RPS6KA3: variants seen among roughly 807,000 people sequenced by gnomAD.
RPS6KA3 encodes ribosomal protein S6 kinase A3.
A neutral mutation model predicts 67.2 loss-of-function variants in RPS6KA3; 4 were observed. The ratio of observed to expected loss-of-function variants is 0.06; its 90% CI spans 0.03 to 0.14. The LOEUF is 0.14. Ranked by LOEUF, RPS6KA3 falls within the 10% of genes least tolerant of loss-of-function variation. The pLI, the probability that RPS6KA3 is intolerant of heterozygous loss-of-function variation, is 1.00. For missense variants in RPS6KA3, 204 were observed against 559.0 expected (o/e 0.36, Z 6.40); for synonymous variants, 182 against 183.7 (o/e 0.99, Z 0.07).
intron 2 of RPS6KA3, 30 bp from the exon 3 acceptor site, chrX:20,209,434 A>T: frequency 1.3e-6 from 1 of 776,214 alleles, no homozygotes; most frequent in Non-Finnish European, 2.0e-6. Flanking sequence ...AGGAGCAAAC[A>T]GGGTTAGCCA....
intron 2 of RPS6KA3, chrX:20,218,951 A>G: frequency 1.8e-6 from 1 of 567,460 alleles, no homozygotes; most frequent in South Asian, 3.7e-5. Flanking sequence ...GGCAATTAGA[A>G]AATTTCCTGT....
chrX:20,223,205 A>G (rs2069027001), intron 2 of RPS6KA3, among the ~76,000 whole-genome samples: 1 of 111,658 alleles, frequency 9.0e-6, no homozygotes, highest in South Asian at 3.7e-4. Flanking sequence ...TTGCATTTAT[A>G]TTCATAAATT....
Position 20,153,322 on chromosome X carries a change from G to C in RPS6KA3, c.*2076C>G, listed in dbSNP as rs766052124. The C allele has an allele frequency of 2.7e-5, 3 of 111,647 alleles. No homozygotes were observed. The highest frequency in any genetic ancestry group is 5.7e-5 in the Non-Finnish European group (3 of 53,086). 9.2% of individuals were successfully genotyped at this position (111,647 alleles called of 1,213,427 possible). On this transcript the variant is annotated 3_prime_UTR_variant, in exon 22 of 22. Transcript: ENST00000379565. ...AATACTTTCTCTATCTAGACATTCTGATATCCCTCCTATATATTATTTCAT... is the reference window on the plus strand; with the variant it reads ...AATACTTTCTCTATCTAGACATTCTCATATCCCTCCTATATATTATTTCAT...
Position 20,167,545 on chromosome X carries a change from A to G in RPS6KA3, c.1602+44T>C, listed in dbSNP as rs367591810. On this transcript the variant is annotated intron_variant, in intron 17 of 21. Coordinates refer to ENST00000379565, the MANE Select transcript of RPS6KA3 (RefSeq NM_004586.3). Reference sequence around the variant, plus strand: ...TCTAATTCTAGCTCAAACATAAAGGAAAAAAGTGTGTGTATGTACATATAG... The same window carrying G: ...TCTAATTCTAGCTCAAACATAAAGGGAAAAAGTGTGTGTATGTACATATAG... 36 of 1,138,233 alleles carry G rather than the reference A, an allele frequency of 3.2e-5. No homozygotes were observed. The African/African-American group carries it at 5.7e-4, about 18-fold the overall frequency. 93.8% of individuals were successfully genotyped at this position (1,138,233 alleles called of 1,213,427 possible).
intron 2 of RPS6KA3, among the ~76,000 whole-genome samples, chrX:20,224,458 A>G (rs1250019774): frequency 1.8e-5 from 2 of 110,222 alleles, no homozygotes; most frequent in African/African-American, 6.6e-5. Flanking sequence ...AACCCTGTTG[A>G]AAAAAAAATC....
At chrX:20,238,464 C>T (rs1441509993) in intron 1 of RPS6KA3, among the ~76,000 whole-genome samples, 1 of 111,172 alleles carries the variant, frequency 9.0e-6, no homozygotes, top group Admixed American at 9.6e-5. Context: ...TTCCAGCTCT[C>T]ATCCATTGCT....
In RPS6KA3 at chrX:20,176,934, C is replaced by T. The variant is rs2067714966; in HGVS notation, c.934+62G>A. 9.6e-6 allele frequency: 8 copies of T among 831,010 alleles called. No individual in the cohort carries two copies. In the East Asian group the frequency reaches 2.5e-4, roughly 26 times the overall value. 68.5% of individuals were successfully genotyped at this position (831,010 alleles called of 1,213,427 possible). A position where few individuals can be genotyped will look rare whatever the true frequency, so the allele number is the denominator to read the frequency against. ...AATTCCACCACAAAACAAATATCTA[C>T]TCCCCGCTAAAAACAAACACCAACA... On this transcript the variant is annotated intron_variant, in intron 11 of 21. Coordinates refer to ENST00000379565, the MANE Select transcript of RPS6KA3 (RefSeq NM_004586.3).
chrX:20,163,172 G>A, intron 18 of RPS6KA3, 132 bp from the exon 19 acceptor site: 1 of 490,663 alleles, frequency 2.0e-6, no homozygotes, highest in Non-Finnish European at 3.7e-6. Context: ...TACCAAATAA[G>A]GCAATACGTT....
intron 7 of RPS6KA3, among the ~76,000 whole-genome samples, chrX:20,191,077 G>A (rs1204099314): frequency 2.7e-5 from 3 of 110,342 alleles, no homozygotes; most frequent in African/African-American, 6.6e-5. Flanking sequence ...GTGTCCATGT[G>A]TTCTCATTGT....
chrX:20,164,127 G>A (rs938493018), intron 18 of RPS6KA3, among the ~76,000 whole-genome samples: 1 of 111,582 alleles, frequency 9.0e-6, no homozygotes, highest in African/African-American at 3.3e-5. Flanking sequence ...TTCTGGCCTA[G>A]GCAACAGAGG....
chrX:20,236,814 G>GT (rs1341302351), intron 1 of RPS6KA3, among the ~76,000 whole-genome samples: 1 of 111,781 alleles, frequency 8.9e-6, no homozygotes, highest in East Asian at 2.8e-4. Context: ...AGATACTCAT[G>GT]TATCTCCAGA....
At chrX:20,258,237 A>G (rs1320756905) in intron 1 of RPS6KA3, among the ~76,000 whole-genome samples, 2 of 112,149 alleles carry the variant, frequency 1.8e-5, no homozygotes, top group African/African-American at 3.2e-5. Context: ...CAAGTGCTCA[A>G]CAGCCACATA....
intron 1 of RPS6KA3, chrX:20,265,865 G>T (rs1013479021): frequency 2.7e-5 from 3 of 110,412 alleles, no homozygotes; most frequent in Non-Finnish European, 5.7e-5. Flanking sequence ...GGCGGCCGCT[G>T]ATCTCCTTGA....
intron 2 of RPS6KA3, among the ~76,000 whole-genome samples, chrX:20,215,225 G>A (rs2148747124): frequency 9.0e-6 from 1 of 110,931 alleles, no homozygotes; most frequent in African/African-American, 3.3e-5. Flanking sequence ...GTGTGTGTGT[G>A]TGTGTGTATG....
intron 1 of RPS6KA3, among the ~76,000 whole-genome samples, chrX:20,259,232 A>C (rs2070157400): frequency 9.0e-6 from 1 of 111,390 alleles, no homozygotes. Flanking sequence ...AATTAATTTA[A>C]ACAGGAAAAT....
chrX:20,244,832 A>G (rs2069643055), intron 1 of RPS6KA3, among the ~76,000 whole-genome samples: 1 of 112,207 alleles, frequency 8.9e-6, no homozygotes, highest in African/African-American at 3.2e-5. Flanking sequence ...TAAATACACT[A>G]TTCTAGGAAG....
intron 7 of RPS6KA3, among the ~76,000 whole-genome samples, chrX:20,190,410 C>A (rs2068093108): frequency 8.9e-6 from 1 of 111,938 alleles, no homozygotes; most frequent in Non-Finnish European, 1.9e-5. Flanking sequence ...TTAATAGCAT[C>A]ATCTAGACAT....
intron 2 of RPS6KA3, among the ~76,000 whole-genome samples, chrX:20,211,476 G>A (rs980034724): frequency 9.2e-6 from 1 of 108,903 alleles, no homozygotes; most frequent in African/African-American, 3.3e-5. Context: ...CTTTGTAACC[G>A]GTCTGTTAGC....
chrX:20,181,672 A>G (rs763155303), intron 10 of RPS6KA3, among the ~76,000 whole-genome samples: 4 of 111,845 alleles, frequency 3.6e-5, no homozygotes, highest in Admixed American at 2.9e-4. Context: ...CATCTGTTAA[A>G]TGAATTGTGT....
Sources: gnomAD v4.1 joint callset for allele counts (sites outside exome capture counted in the v4.1 genomes callset) on GRCh38, gnomAD v4.1.1 for gene constraint, MANE v1.5 for transcripts, NCBI Gene and HGNC (gene_info 2026-07-23, HGNC 2026-07-21) for gene names.